Variants in TTN observed in about 807,000 individuals in gnomAD.
TTN encodes the protein connectin.
TTN carries 1,525 observed loss-of-function variants against 3,223.0 expected under a neutral mutation model. The ratio of observed to expected loss-of-function variants is 0.47; its 90% CI spans 0.45 to 0.49. The LOEUF (loss-of-function observed/expected upper bound fraction) is 0.49. TTN is among the 20% of genes least tolerant of loss of function. The pLI is 0.00. For missense variants in TTN, 40,786 were observed against 43,424.0 expected, an observed-to-expected ratio of 0.94 and a Z score of 5.40; for synonymous variants, 14,094 against 15,161.0, an observed-to-expected ratio of 0.93 and a Z score of 5.17.
chr2:178,790,593 A>T, intron 11 of TTN, 115 bp downstream of exon 11: 1 of 1,532,654 alleles, frequency 6.5e-7, no homozygotes, highest in Non-Finnish European at 9.0e-7. Flanking sequence ...TTCTATTTGC[A>T]TTATAAGAAG....
Position 178,770,268 on chromosome 2 carries a change from A to C in TTN, c.8433T>G (p.Thr2811=), listed in dbSNP as rs2091273358. ...GGGAAACACTAACTTCAAAGGCAACAGTGGCATTTTCCAAGGCTGTCACAT... is the reference window on the plus strand; with the variant it reads ...GGGAAACACTAACTTCAAAGGCAACCGTGGCATTTTCCAAGGCTGTCACAT... ...PKDVTALENA[T]VAFEVSVSHD... Residue 2811 remains threonine (T), a synonymous_variant, in exon 36 of 363, where the codon ACT becomes ACG. Coordinates refer to ENST00000589042, the MANE Select transcript of TTN (RefSeq NM_001267550.2). 6.2e-7 allele frequency: 1 copy of C among 1,614,172 alleles called. No individual in the cohort carries two copies. Among genetic ancestry groups the C allele is most frequent in the South Asian group, 1.1e-5 (1 of 91,080 alleles).
chr2:178,601,774 T>C lies in TTN; in HGVS notation c.55316A>G (p.Glu18439Gly). 6.2e-7 allele frequency: 1 copy of C among 1,604,150 alleles called. No homozygotes were observed. The highest frequency in any genetic ancestry group is 8.5e-7 in the Non-Finnish European group (1 of 1,176,566). The part of the protein sequence containing the change: ...IPEDAQLETA[E>G]NSSVIIIPEC... Reference sequence around the variant, plus strand: ...CGGAATAATAATTACTGAGGAGTTTTCAGCAGTCTCCAGCTGTACAAAGAA... The same window carrying C: ...CGGAATAATAATTACTGAGGAGTTTCCAGCAGTCTCCAGCTGTACAAAGAA... Residue 18439 changes from glutamate to glycine, a missense_variant, in exon 286 of 363, where the codon GAA (glutamate) becomes GGA (glycine). Coordinates refer to ENST00000589042, the MANE Select transcript of TTN (RefSeq NM_001267550.2).
chr2:178,625,837 A>C (rs2058959976), intron 240 of TTN, among the ~76,000 whole-genome samples: 1 of 152,048 alleles, frequency 6.6e-6, no homozygotes, highest in Non-Finnish European at 1.5e-5. Flanking sequence ...GCACATATAC[A>C]CCATGGAATA....
chr2:178,746,387 G>T (rs2154323968), intron 47 of TTN: 1 of 1,609,980 alleles, frequency 6.2e-7, no homozygotes, highest in Non-Finnish European at 8.5e-7. Flanking sequence ...TTTATGGTCA[G>T]GAGTAAATTC....
In TTN at chr2:178,586,761, C is replaced by T; in HGVS notation, c.64140G>A (p.Lys21380=). 6.2e-7 allele frequency: 1 copy of T among 1,613,002 alleles called. No individual in the cohort carries two copies. The highest frequency in any genetic ancestry group is 1.1e-5 in the South Asian group (1 of 91,012). ...GTAACCAGGCTAAGGTGGCACTGTT[C>T]TTGGTCATTTCAGTCACTTCTAATT... is the stretch of plus-strand genomic sequence containing the variant. ...PRKLEVTEMT[K]NSATLAWLPP... Residue 21380 remains lysine, a synonymous_variant, in exon 308 of 363, where the codon AAG becomes AAA. Coordinates refer to ENST00000589042, the MANE Select transcript of TTN (RefSeq NM_001267550.2).
At position 178,664,035 on chromosome 2, in the gene TTN, G is replaced by T. The variant is rs772883660; in HGVS notation, c.36344C>A (p.Pro12115His). 6.2e-7 allele frequency: 1 copy of T among 1,613,296 alleles called. No homozygotes were observed. The highest frequency in any genetic ancestry group is 8.5e-7 in the Non-Finnish European group (1 of 1,179,736). The change falls in exon 169 of 363, where the codon CCT becomes CAT. Residue 12115 changes from proline (P) to histidine (H), a missense_variant. Physicochemically the swap from Pro to His is moderately conservative, Grantham distance 77. Transcript: ENST00000589042. ...AATACCTTTAACAGGTGGGACTTCA[G>T]GCTTTTTAGGAGGCACCACCGACAC... Reference protein sequence around the residue: ...KKVSVVPPKKPEVPPVKVPEA... With the variant: ...KKVSVVPPKKHEVPPVKVPEA...
At position 178,580,148 on chromosome 2, in the gene TTN, A is replaced by G. The variant is rs773461641; in HGVS notation, c.67139T>C (p.Ile22380Thr). ...GTTTATGATGGGGCTTCCGCCATCA[A>G]TAATGGGAGGCTCCCAGGTAACATA... ...SAYVTWEPPI[I>T]DGGSPIINYV... The change falls in exon 318 of 363, where the codon ATT becomes ACT. Residue 22380 changes from isoleucine (I) to threonine (T), a missense_variant. Ile to Thr is a moderately conservative substitution (Grantham distance 89). Coordinates refer to ENST00000589042, the MANE Select transcript of TTN (RefSeq NM_001267550.2). 1.9e-5 allele frequency: 30 copies of G among 1,613,214 alleles called. No homozygotes were observed. Among genetic ancestry groups the G allele is most frequent in the African/African-American group, 4.0e-5 (3 of 74,878 alleles).
In TTN at chr2:178,563,959, C is replaced by T; in HGVS notation, c.82173G>A (p.Trp27391Ter). 1 of 1,613,690 alleles carries T rather than the reference C, an allele frequency of 6.2e-7. No homozygotes were observed. Among genetic ancestry groups the T allele is most frequent in the Non-Finnish European group, 8.5e-7 (1 of 1,179,730 alleles). ...GVTAEKCYLA[W>*]NPPLQDGGAN... ...CACCACCATCTTGCAAAGGTGGGTT[C>T]CATGCCAGGTAACATTTTTCCGCAG... Residue 27391 changes from tryptophan to a stop codon, truncating the protein, a stop_gained, in exon 326 of 363, where the codon TGG (tryptophan) becomes TGA (stop). Transcript: ENST00000589042. LOFTEE classifies it high-confidence loss of function. This position sits in a 1 kb window ranked among gnomAD's most constrained non-coding sequence, Gnocchi z 4.5.
Position 178,715,685 on chromosome 2 carries a change from G to T in TTN, c.25729C>A (p.Pro8577Thr). Reference protein sequence around the residue: ...TRYECKIGGSPEIKVLWYKDE... With the variant: ...TRYECKIGGSTEIKVLWYKDE... ...TTATACCATAAAACTTTGATTTCTGGAGACCCACCGATTTTGCATTCATAC... is the reference window on the plus strand; with the variant it reads ...TTATACCATAAAACTTTGATTTCTGTAGACCCACCGATTTTGCATTCATAC... The change falls in exon 89 of 363, where the codon CCA (proline) becomes ACA (threonine). Residue 8577 changes from proline (P) to threonine (T), a missense_variant. Physicochemically the swap from Pro to Thr is conservative, Grantham distance 38 (BLOSUM62 -1). Coordinates refer to ENST00000589042, the MANE Select transcript of TTN (RefSeq NM_001267550.2). 1 of 1,611,182 alleles carries T rather than the reference G, an allele frequency of 6.2e-7. No homozygotes were observed. Among genetic ancestry groups the T allele is most frequent in the Non-Finnish European group, 8.5e-7 (1 of 1,178,544 alleles).
chr2:178,768,274 AT>A (rs1436496169), intron 38 of TTN, 119 bp from the exon 39 acceptor site: 1 of 1,246,142 alleles, frequency 8.0e-7, no homozygotes, highest in African/African-American at 1.5e-5. Flanking sequence ...TGTATTCATC[AT>A]TGTGTAGCCA....
Position 178,572,055 on chromosome 2 carries a change from T to A in TTN, c.74077A>T (p.Asn24693Tyr), listed in dbSNP as rs770797051. Residue 24693 changes from asparagine to tyrosine, a missense_variant, in exon 326 of 363, where the codon AAT becomes TAT. By Grantham distance (143) the Asn-to-Tyr change is moderately radical. Transcript: ENST00000589042. The part of the protein sequence containing the change: ...EEYSFRVSAQ[N>Y]EKGISDPRQL... ...CTAGGATCACTGATGCCCTTTTCAT[T>A]CTGAGCTGAAACACGGAAAGAGTAT... 1.2e-6 allele frequency: 2 copies of A among 1,613,268 alleles called. No individual in the cohort carries two copies. The highest frequency in any genetic ancestry group is 3.3e-5 in the Admixed American group (2 of 59,976).
Position 178,591,757 on chromosome 2 carries a change from G to T in TTN, c.60062C>A (p.Thr20021Asn), listed in dbSNP as rs760706351. Residue 20021 changes from threonine to asparagine, a missense_variant, in exon 303 of 363, where the codon ACC (threonine) becomes AAC (asparagine). By Grantham distance (65) the Thr-to-Asn change is moderately conservative (BLOSUM62 0). Coordinates refer to ENST00000589042, the MANE Select transcript of TTN (RefSeq NM_001267550.2). Reference sequence around the variant, plus strand: ...AGTCTTAAATTTAATCCAGTCCTGGGTGCCTTCTTCTTGATATTCTACCAA... The same window carrying T: ...AGTCTTAAATTTAATCCAGTCCTGGTTGCCTTCTTCTTGATATTCTACCAA... ...GYLVEYQEEG[T>N]QDWIKFKTVT... 6.2e-7 allele frequency: 1 copy of T among 1,613,244 alleles called. No individual in the cohort carries two copies. Among genetic ancestry groups the T allele is most frequent in the Non-Finnish European group, 8.5e-7 (1 of 1,179,536 alleles).
In TTN at chr2:178,537,736, A is replaced by G. The variant is rs1487577514; in HGVS notation, c.99471T>C (p.Thr33157=). 4 of 1,613,610 alleles carry G rather than the reference A, an allele frequency of 2.5e-6. No individual in the cohort carries two copies. Among genetic ancestry groups the G allele is most frequent in the African/African-American group, 1.3e-5 (1 of 74,894 alleles). The change falls in exon 355 of 363, where the codon ACT becomes ACC. Residue 33157 remains threonine, a synonymous_variant. Coordinates refer to ENST00000589042, the MANE Select transcript of TTN (RefSeq NM_001267550.2). ...YKMSSDGRTH[T]LTVMTEEQED... The stretch of plus-strand genomic sequence containing the variant: ...CCTGTTCCTCTGTCATTACTGTAAG[A>G]GTGTGTGTGCGTCCATCTGAAGACA...
Position 178,580,146 on chromosome 2 carries a change from C to G in TTN, c.67141G>C (p.Asp22381His). The G allele has an allele frequency of 1.9e-6, 3 of 1,613,250 alleles. No homozygotes were observed. The highest frequency in any genetic ancestry group is 2.5e-6 in the Non-Finnish European group (3 of 1,179,474). The change falls in exon 318 of 363, where the codon GAT becomes CAT. Residue 22381 changes from aspartate (D) to histidine (H), a missense_variant. Transcript: ENST00000589042. ...TAGTTTATGATGGGGCTTCCGCCATCAATAATGGGAGGCTCCCAGGTAACA... is the reference window on the plus strand; with the variant it reads ...TAGTTTATGATGGGGCTTCCGCCATGAATAATGGGAGGCTCCCAGGTAACA... Reference protein sequence around the residue: ...AYVTWEPPIIDGGSPIINYVV... With the variant: ...AYVTWEPPIIHGGSPIINYVV...
At chr2:178,627,665 A>G (rs2059237804) in intron 240 of TTN, among the ~76,000 whole-genome samples, 1 of 151,968 alleles carries the variant, frequency 6.6e-6, no homozygotes, top group African/African-American at 2.4e-5. Flanking sequence ...TTACAATGAG[A>G]ATTTTTTAAA....
Position 178,573,077 on chromosome 2 carries a change from C to G in TTN, c.73055G>C (p.Gly24352Ala). The G allele has an allele frequency of 6.2e-7, 1 of 1,613,274 alleles. No individual in the cohort carries two copies. Among genetic ancestry groups the G allele is most frequent in the Non-Finnish European group, 8.5e-7 (1 of 1,179,542 alleles). ...IAWNKPIYDG[G>A]SEITGYMVEI... Reference sequence around the variant, plus strand: ...AACCATATACCCAGTGATTTCTGAACCACCATCATAGATAGGTTTATTCCA... The same window carrying G: ...AACCATATACCCAGTGATTTCTGAAGCACCATCATAGATAGGTTTATTCCA... The change falls in exon 326 of 363, where the codon GGT (glycine) becomes GCT (alanine). Residue 24352 changes from glycine to alanine, a missense_variant. Gly to Ala is a moderately conservative substitution (Grantham distance 60). Transcript: ENST00000589042.
intron 45 of TTN, among the ~76,000 whole-genome samples, chr2:178,757,082 C>T (rs2087247975): frequency 6.9e-6 from 1 of 145,526 alleles, no homozygotes; most frequent in South Asian, 2.2e-4. Context: ...GTGACCCAGT[C>T]TGTCTTTCTC....
chr2:178,565,527 C>T lies in TTN; in HGVS notation c.80605G>A (p.Val26869Ile). Residue 26869 changes from valine to isoleucine, a missense_variant, in exon 326 of 363, where the codon GTT becomes ATT. Transcript: ENST00000589042. ...GTCAAGTCCTTGGCTATGACAGGAA[C>T]ACCCAACACTCTTGGATCGCTTTTT... The part of the protein sequence containing the change: ...KGKSDPRVLG[V>I]PVIAKDLTIQ... 6.2e-7 allele frequency: 1 copy of T among 1,613,496 alleles called. No homozygotes were observed. Among genetic ancestry groups the T allele is most frequent in the Non-Finnish European group, 8.5e-7 (1 of 1,179,600 alleles).
Position 178,792,115 on chromosome 2 carries a change from G to C in TTN, c.1619C>G (p.Ser540Cys), listed in dbSNP as rs2154354681. The change falls in exon 10 of 363, where the codon TCT becomes TGT. Residue 540 changes from serine to cysteine, a missense_variant. By Grantham distance (112) the Ser-to-Cys change is moderately radical (BLOSUM62 -1). Transcript: ENST00000589042. ...TTTCTGTTTCTTAGTAATTTCTTCA[G>C]AAATTCTAGTTTCTTGTTCTTTGGC... is the stretch of plus-strand genomic sequence containing the variant. ...AKAKEQETRI[S>C]EEITKKQKQV... 6.2e-7 allele frequency: 1 copy of C among 1,612,566 alleles called. No individual in the cohort carries two copies. Among genetic ancestry groups the C allele is most frequent in the East Asian group, 2.2e-5 (1 of 44,696 alleles).
Sources: gnomAD v4.1 joint callset for allele counts (sites outside exome capture counted in the v4.1 genomes callset) on GRCh38, gnomAD v4.1.1 for gene constraint, Gnocchi (gnomAD v3.1) non-coding constraint, MANE v1.5 for transcripts, NCBI Gene and HGNC (gene_info 2026-07-23, HGNC 2026-07-21) for gene names.